Variants in CNTN5 observed in about 807,000 individuals in gnomAD.
CNTN5 encodes contactin 5.
In CNTN5, 77 loss-of-function variants were observed where a neutral mutation model predicts 129.1. The ratio of observed to expected loss-of-function variants is 0.60; its 90% CI spans 0.50 to 0.72. CNTN5 has a LOEUF of 0.72. Ranked by LOEUF, CNTN5 falls within the 30% of genes least tolerant of loss-of-function variation. The pLI is 0.00. For missense variants in CNTN5, 1,478 were observed against 1,328.8 expected, an observed-to-expected ratio of 1.11 and a Z score of -1.75; for synonymous variants, 509 against 465.6, an observed-to-expected ratio of 1.09 and a Z score of -1.20.
At chr11:99,021,956 T>C (rs1330781795) in intron 1 of CNTN5, among the ~76,000 whole-genome samples, 1 of 152,198 alleles carries the variant, frequency 6.6e-6, no homozygotes, top group Non-Finnish European at 1.5e-5. Context: ...ACCTGAACAA[T>C]AAGTTGTTTC....
At chr11:99,505,071 C>T (rs1946567744) in intron 2 of CNTN5, among the ~76,000 whole-genome samples, 1 of 152,136 alleles carries the variant, frequency 6.6e-6, no homozygotes, top group Non-Finnish European at 1.5e-5. Flanking sequence ...CTGGGATGGC[C>T]TCTTCTCAAG....
At chr11:99,861,273 C>T (rs1287889550) in intron 6 of CNTN5, among the ~76,000 whole-genome samples, 1 of 152,100 alleles carries the variant, frequency 6.6e-6, no homozygotes, top group Non-Finnish European at 1.5e-5. Context: ...TTGTTTATGT[C>T]ATCTGGAGAT....
chr11:99,391,029 ATC>A (rs1172319467), intron 2 of CNTN5, among the ~76,000 whole-genome samples: 1 of 152,112 alleles, frequency 6.6e-6, no homozygotes, highest in Non-Finnish European at 1.5e-5. Flanking sequence ...TTTAAAAGAA[ATC>A]TAACAACTTA....
intron 2 of CNTN5, among the ~76,000 whole-genome samples, chr11:99,344,700 C>T (rs866891227): frequency 3.6e-4 from 55 of 152,146 alleles, no homozygotes; most frequent in African/African-American, 1.3e-3. Context: ...GTGATCTCTG[C>T]TCCGAAAAGC....
intron 8 of CNTN5, among the ~76,000 whole-genome samples, chr11:99,999,977 A>G (rs888105635): frequency 3.3e-5 from 5 of 149,260 alleles, no homozygotes; most frequent in African/African-American, 9.9e-5. Flanking sequence ...TGGACACAGG[A>G]AGGGGAACAT....
intron 2 of CNTN5, among the ~76,000 whole-genome samples, chr11:99,424,695 A>T (rs936936589): frequency 6.6e-6 from 1 of 152,264 alleles, no homozygotes; most frequent in African/African-American, 2.4e-5. Flanking sequence ...GCCCTGGCTC[A>T]GGGAGCTCCT....
intron 1 of CNTN5, among the ~76,000 whole-genome samples, chr11:99,090,300 G>A (rs1199072570): frequency 7.9e-5 from 12 of 152,124 alleles, no homozygotes. Flanking sequence ...GCAGCCCCTT[G>A]AAGTTATTAT....
intron 3 of CNTN5, among the ~76,000 whole-genome samples, chr11:99,687,990 A>T (rs531979792): frequency 2.4e-4 from 37 of 152,274 alleles, no homozygotes; most frequent in Middle Eastern, 3.4e-3. Context: ...CTGATTAGTT[A>T]TTTTCCAGAT....
At chr11:99,643,346 A>T (rs758865668) in intron 3 of CNTN5, among the ~76,000 whole-genome samples, 2 of 152,140 alleles carry the variant, frequency 1.3e-5, no homozygotes, top group Non-Finnish European at 2.9e-5. Context: ...TAATGAGGCA[A>T]TACCTTGTGA....
chr11:99,340,682 C>T (rs1380128553), intron 2 of CNTN5, among the ~76,000 whole-genome samples: 1 of 151,972 alleles, frequency 6.6e-6, no homozygotes, highest in Non-Finnish European at 1.5e-5. Flanking sequence ...TGAGATCAAA[C>T]GGTAGGAGAA....
At chr11:100,084,629 C>T (rs1944479371) in intron 13 of CNTN5, among the ~76,000 whole-genome samples, 1 of 151,598 alleles carries the variant, frequency 6.6e-6, no homozygotes, top group Non-Finnish European at 1.5e-5. Flanking sequence ...TTATCATTTG[C>T]ATGCTTACAT....
intron 3 of CNTN5, among the ~76,000 whole-genome samples, chr11:99,783,751 A>G (rs1945403317): frequency 6.7e-6 from 1 of 149,724 alleles, no homozygotes; most frequent in Non-Finnish European, 1.5e-5. Flanking sequence ...ATTCTCACTC[A>G]TAGGTGGGAA....
At chr11:99,212,605 T>C (rs191557226) in intron 1 of CNTN5, among the ~76,000 whole-genome samples, 1 of 152,234 alleles carries the variant, frequency 6.6e-6, no homozygotes, top group East Asian at 1.9e-4. Flanking sequence ...ATCTTCTAAA[T>C]TGTGCTGACA....
At chr11:99,823,458 A>C (rs967245432) in intron 4 of CNTN5, among the ~76,000 whole-genome samples, 1 of 152,004 alleles carries the variant, frequency 6.6e-6, no homozygotes, top group African/African-American at 2.4e-5. Context: ...TATTTTCTAC[A>C]AGGCCTACTT....
At chr11:100,272,706 C>A (rs1030389519) in intron 18 of CNTN5, among the ~76,000 whole-genome samples, 4 of 152,026 alleles carry the variant, frequency 2.6e-5, no homozygotes, top group African/African-American at 9.7e-5. Flanking sequence ...AACGTTGGGA[C>A]CCCTACGCGG....
intron 13 of CNTN5, among the ~76,000 whole-genome samples, chr11:100,108,023 A>G (rs917247706): frequency 1.9e-4 from 28 of 150,890 alleles, no homozygotes; most frequent in African/African-American, 6.8e-4. Flanking sequence ...GGCCTAAGTA[A>G]AGCTAGTAAA....
intron 9 of CNTN5, among the ~76,000 whole-genome samples, chr11:100,040,301 G>A (rs1366559320): frequency 1.3e-5 from 2 of 152,186 alleles, no homozygotes; most frequent in African/African-American, 4.8e-5. Context: ...GAGAACTGCA[G>A]ATGCTGCTGC....
chr11:100,144,837 T>A (rs566984857), intron 13 of CNTN5, among the ~76,000 whole-genome samples: 4 of 152,098 alleles, frequency 2.6e-5, no homozygotes, highest in African/African-American at 9.6e-5. Flanking sequence ...TGTTAAAAAA[T>A]TGATTATTCT....
chr11:99,263,878 G>A (rs189250359), intron 1 of CNTN5, among the ~76,000 whole-genome samples: 47 of 151,960 alleles, frequency 3.1e-4, no homozygotes, highest in Middle Eastern at 6.9e-3. Flanking sequence ...AGTCAAATTA[G>A]CTAAATACTA....
Sources: allele counts gnomAD v4.1 joint callset (sites outside exome capture counted in the v4.1 genomes callset), GRCh38; gene constraint gnomAD v4.1.1; transcripts MANE v1.5; gene names NCBI Gene and HGNC (gene_info 2026-07-23, HGNC 2026-07-21).